Variants in NCOR1 observed in about 807,000 individuals in gnomAD.
NCOR1 encodes nuclear receptor corepressor 1, also known as protein phosphatase 1, regulatory subunit 109.
A neutral mutation model predicts 288.1 loss-of-function variants in NCOR1; 63 were observed. The observed-to-expected ratio is 0.22, with a 90% CI of 0.18 to 0.27. The LOEUF (loss-of-function observed/expected upper bound fraction) is 0.27, where lower values mean the gene tolerates loss of function less well. NCOR1 is among the 10% of genes least tolerant of loss of function. The pLI is 1.00. For missense variants in NCOR1, 2,397 were observed against 3,019.2 expected, an observed-to-expected ratio of 0.79 and a Z score of 4.83; for synonymous variants, 1,007 against 1,065.9, an observed-to-expected ratio of 0.94 and a Z score of 1.08.
intron 14 of NCOR1, among the ~76,000 whole-genome samples, chr17:16,135,289 C>T (rs2076237570): frequency 6.6e-6 from 1 of 151,892 alleles, no homozygotes; most frequent in Non-Finnish European, 1.5e-5. Flanking sequence ...GGAAGAAAAG[C>T]CCTGGCAATA....
At chr17:16,174,375 C>T (rs772989759) in intron 3 of NCOR1, among the ~76,000 whole-genome samples, 15 of 152,348 alleles carry the variant, frequency 9.8e-5, no homozygotes, top group Middle Eastern at 3.4e-3. Flanking sequence ...AGCTGGACTT[C>T]TGCCCTCAGT....
At chr17:16,095,820 A>G (rs1333827604) in intron 21 of NCOR1, among the ~76,000 whole-genome samples, 1 of 151,638 alleles carries the variant, frequency 6.6e-6, no homozygotes, top group Non-Finnish European at 1.5e-5. Flanking sequence ...CCCGTCTGGG[A>G]GGAGGTACCC....
chr17:16,213,449 G>A (rs1215293344), intron 1 of NCOR1, among the ~76,000 whole-genome samples: 4 of 126,412 alleles, frequency 3.2e-5, no homozygotes, highest in Admixed American at 3.1e-4. Flanking sequence ...CTGAGATTGC[G>A]CCACTGCACT....
chr17:16,149,258 T>C (rs989176290), intron 9 of NCOR1, among the ~76,000 whole-genome samples, 193 bp downstream of exon 9: 1 of 148,814 alleles, frequency 6.7e-6, no homozygotes, highest in African/African-American at 2.5e-5. Context: ...ATGTAAGGTA[T>C]GGTATCAAAA....
At chr17:16,097,733 C>A (rs1475856864) in intron 21 of NCOR1, among the ~76,000 whole-genome samples, 1 of 152,170 alleles carries the variant, frequency 6.6e-6, no homozygotes, top group Non-Finnish European at 1.5e-5. Flanking sequence ...TTCTCTGAGG[C>A]ATTTTAGCAA....
chr17:16,168,495 C>T (rs2082476197), intron 4 of NCOR1, among the ~76,000 whole-genome samples: 1 of 152,018 alleles, frequency 6.6e-6, no homozygotes, highest in Admixed American at 6.5e-5. Context: ...GCCACCGCGC[C>T]CAGCCAAGAA....
At chr17:16,083,241 G>GA (rs953484089) in intron 23 of NCOR1, among the ~76,000 whole-genome samples, 155 of 138,520 alleles carry the variant, frequency 1.1e-3, no homozygotes, top group East Asian at 6.3e-3. Context: ...TCAAAAAAAG[G>GA]AAAAAAAAAA....
chr17:16,058,776 G>A (rs2060216412), intron 37 of NCOR1, among the ~76,000 whole-genome samples, 177 bp from the exon 38 acceptor site: 1 of 152,074 alleles, frequency 6.6e-6, no homozygotes, highest in Non-Finnish European at 1.5e-5. Flanking sequence ...GCTGGGTGCA[G>A]TGGCTCATGG....
intron 11 of NCOR1, among the ~76,000 whole-genome samples, chr17:16,141,649 A>G (rs1208688463): frequency 6.6e-6 from 1 of 152,168 alleles, no homozygotes; most frequent in Non-Finnish European, 1.5e-5. Flanking sequence ...CAAAGAGGCT[A>G]TTTTTTCATC....
At chr17:16,068,788 A>G (rs893725545) in intron 31 of NCOR1, among the ~76,000 whole-genome samples, 4 of 146,668 alleles carry the variant, frequency 2.7e-5, no homozygotes, top group Admixed American at 2.1e-4. Flanking sequence ...ATCTTGGCTC[A>G]CTGCAGTCTC....
intron 1 of NCOR1, among the ~76,000 whole-genome samples, chr17:16,207,889 A>T (rs2091713218): frequency 6.6e-6 from 1 of 152,044 alleles, no homozygotes; most frequent in South Asian, 2.1e-4. Context: ...GGGGGAAAGA[A>T]ATCCAAATAA....
At chr17:16,151,755 G>A (rs745328895) in intron 8 of NCOR1, 191 bp downstream of exon 8, 8 of 1,026,386 alleles carry the variant, frequency 7.8e-6, no homozygotes, top group South Asian at 1.5e-5. Flanking sequence ...TTTTGGCCTC[G>A]GAAACTCAAA....
intron 3 of NCOR1, among the ~76,000 whole-genome samples, chr17:16,181,466 A>T (rs1309151467): frequency 6.6e-6 from 1 of 151,852 alleles, no homozygotes; most frequent in African/African-American, 2.4e-5. Flanking sequence ...TAGAGAAATA[A>T]GGAGATGGAG....
intron 21 of NCOR1, among the ~76,000 whole-genome samples, chr17:16,097,910 T>C (rs950665723): frequency 6.6e-6 from 1 of 152,160 alleles, no homozygotes; most frequent in South Asian, 2.1e-4. Flanking sequence ...CGCCAGGTAG[T>C]TGGTGTCCGA....
At chr17:16,114,255 C>T (rs1219758775) in intron 18 of NCOR1, among the ~76,000 whole-genome samples, 1 of 151,468 alleles carries the variant, frequency 6.6e-6, no homozygotes. Context: ...GAAAGACCTG[C>T]CCCATGATTC....
At chr17:16,160,775 G>C (rs1568398111) in intron 5 of NCOR1, among the ~76,000 whole-genome samples, 1 of 152,122 alleles carries the variant, frequency 6.6e-6, no homozygotes. Context: ...CTGGGCGACA[G>C]GGGGAGACTC....
At chr17:16,211,192 G>C (rs779684401) in intron 1 of NCOR1, among the ~76,000 whole-genome samples, 2 of 152,016 alleles carry the variant, frequency 1.3e-5, no homozygotes, top group African/African-American at 4.8e-5. Flanking sequence ...CAGTGTTATC[G>C]AAAGTAAAAC....
In NCOR1 at chr17:16,101,462, C is replaced by T. The variant is rs2067620639; in HGVS notation, c.2478G>A (p.Val826=). Residue 826 remains valine, a synonymous_variant, in exon 20 of 46, where the codon GTG becomes GTA. Coordinates refer to ENST00000268712, the MANE Select transcript of NCOR1 (RefSeq NM_006311.4). Reference sequence around the variant, plus strand: ...TAGATGCATGGTTTTCTGGCACCCTCACTTCAACGTCCACAGAGTCAGCTT... The same window carrying T: ...TAGATGCATGGTTTTCTGGCACCCTTACTTCAACGTCCACAGAGTCAGCTT... The part of the protein sequence containing the change: ...ATKADSVDVE[V]RVPENHASKV... 6.2e-7 allele frequency: 1 copy of T among 1,614,172 alleles called. No individual in the cohort carries two copies. Among genetic ancestry groups the T allele is most frequent in the Non-Finnish European group, 8.5e-7 (1 of 1,180,004 alleles).
rs201075522 is a variant in NCOR1, at chr17:16,064,207, A to G, written c.5102-20T>C. 1.9e-6 allele frequency: 3 copies of G among 1,602,068 alleles called. No individual in the cohort carries two copies. The highest frequency in any genetic ancestry group is 1.1e-5 in the South Asian group (1 of 89,552). ...GGTGTCCTGTAAAACATAAACCTGC[A>G]GCTTAAAGATAAAAATATCAACTGA... On this transcript the variant is annotated intron_variant, in intron 34 of 45. Coordinates refer to ENST00000268712, the MANE Select transcript of NCOR1 (RefSeq NM_006311.4).
Sources: gnomAD v4.1 joint callset for allele counts (sites outside exome capture counted in the v4.1 genomes callset) on GRCh38, gnomAD v4.1.1 for gene constraint, MANE v1.5 for transcripts, NCBI Gene and HGNC (gene_info 2026-07-23, HGNC 2026-07-21) for gene names.